Variants in ADAMTS17 observed in about 807,000 individuals in gnomAD.
ADAMTS17 encodes A disintegrin and metalloproteinase with thrombospondin motifs 17.
In ADAMTS17, 113 loss-of-function variants were observed where a neutral mutation model predicts 141.5. That is an observed-to-expected ratio of 0.80 (90% CI 0.69 to 0.93). The LOEUF (loss-of-function observed/expected upper bound fraction) is 0.93. Ranked by LOEUF, ADAMTS17 falls within the 40% of genes least tolerant of loss-of-function variation. The pLI is 0.00. For synonymous variants in ADAMTS17, 768 were observed against 630.6 expected, an observed-to-expected ratio of 1.22 and a Z score of -3.27; for missense variants, 1,659 against 1,517.9, an observed-to-expected ratio of 1.09 and a Z score of -1.54.
chr15:100,333,324 G>A (rs2046111517), intron 2 of ADAMTS17, among the ~76,000 whole-genome samples: 1 of 152,144 alleles, frequency 6.6e-6, no homozygotes, highest in Non-Finnish European at 1.5e-5. Flanking sequence ...GCAGTTACGT[G>A]CACAGACTGC....
At chr15:100,077,031 G>C (rs2034425892) in intron 15 of ADAMTS17, among the ~76,000 whole-genome samples, 1 of 151,876 alleles carries the variant, frequency 6.6e-6, no homozygotes. Context: ...TATCATATAT[G>C]AATATGCACA....
chr15:100,186,550 G>A (rs2040725061), intron 8 of ADAMTS17, among the ~76,000 whole-genome samples: 1 of 152,222 alleles, frequency 6.6e-6, no homozygotes, highest in Admixed American at 6.5e-5. Flanking sequence ...CCACAGCCAG[G>A]TCATGACTAC....
chr15:100,035,974 G>A (rs1238377335), intron 18 of ADAMTS17, among the ~76,000 whole-genome samples: 1 of 152,198 alleles, frequency 6.6e-6, no homozygotes, highest in East Asian at 1.9e-4. Flanking sequence ...TCCCTTGCAA[G>A]TGAGAAGCAC....
At chr15:100,174,169 C>T (rs981048354) in intron 8 of ADAMTS17, among the ~76,000 whole-genome samples, 1 of 152,240 alleles carries the variant, frequency 6.6e-6, no homozygotes, top group South Asian at 2.1e-4. Context: ...GACTTCTTAG[C>T]TAGGCAACAC....
At chr15:100,057,612 T>G (rs142469450) in intron 15 of ADAMTS17, among the ~76,000 whole-genome samples, 20 of 152,260 alleles carry the variant, frequency 1.3e-4, no homozygotes, top group African/African-American at 4.6e-4. Flanking sequence ...CTTTAAGCAA[T>G]GGTACCCAGG....
intron 3 of ADAMTS17, among the ~76,000 whole-genome samples, chr15:100,282,291 T>C (rs1202564293): frequency 3.3e-5 from 5 of 152,198 alleles, no homozygotes; most frequent in Non-Finnish European, 7.4e-5. Flanking sequence ...ACAGTCTACA[T>C]ATGCACCAAC....
Position 100,254,135 on chromosome 15 carries a change from C to A in ADAMTS17, c.1075+1G>T, listed in dbSNP as rs2141962944. 6 of 1,613,260 alleles carry A rather than the reference C, an allele frequency of 3.7e-6. No homozygotes were observed. Among genetic ancestry groups the A allele is most frequent in the Non-Finnish European group, 5.1e-6 (6 of 1,179,212 alleles). On this transcript the variant is annotated splice_donor_variant, in intron 7 of 21. Coordinates refer to ENST00000268070, the MANE Select transcript of ADAMTS17 (RefSeq NM_139057.4). LOFTEE classifies it high-confidence loss of function. ...GATTATTATTTCAACTCTAAACTTA[C>A]CAACAGTGTCACACGGTTCATCCTT... is the stretch of plus-strand genomic sequence containing the variant.
At chr15:100,106,187 GAC>G (rs2036404906) in intron 14 of ADAMTS17, among the ~76,000 whole-genome samples, 1 of 152,156 alleles carries the variant, frequency 6.6e-6, no homozygotes, top group Non-Finnish European at 1.5e-5. Flanking sequence ...GCCATGGGAG[GAC>G]ACAGAGTGGC....
intron 20 of ADAMTS17, among the ~76,000 whole-genome samples, chr15:99,990,334 C>A (rs1297416479): frequency 1.3e-5 from 2 of 152,154 alleles, no homozygotes; most frequent in Non-Finnish European, 2.9e-5. Context: ...CCACGCCCAG[C>A]CAAAGCACAC....
At chr15:100,090,797 G>C (rs1222529781) in intron 15 of ADAMTS17, among the ~76,000 whole-genome samples, 2 of 151,998 alleles carry the variant, frequency 1.3e-5, no homozygotes, top group African/African-American at 4.8e-5. Flanking sequence ...CATGAGGTCA[G>C]GAGTTCAAGA....
intron 3 of ADAMTS17, among the ~76,000 whole-genome samples, chr15:100,307,150 A>G (rs993428800): frequency 2.6e-5 from 4 of 152,236 alleles, no homozygotes; most frequent in Non-Finnish European, 5.9e-5. Flanking sequence ...TCTGAGGACC[A>G]CACCAAACCA....
chr15:100,316,665 C>A (rs1185655351), intron 3 of ADAMTS17, among the ~76,000 whole-genome samples: 1 of 152,248 alleles, frequency 6.6e-6, no homozygotes, highest in African/African-American at 2.4e-5. Context: ...GGAAGTTTTC[C>A]ATAGAGAGAT....
At chr15:100,160,153 T>A (rs889558627) in intron 8 of ADAMTS17, among the ~76,000 whole-genome samples, 1 of 152,182 alleles carries the variant, frequency 6.6e-6, no homozygotes, top group African/African-American at 2.4e-5. Flanking sequence ...TTGAGAAATA[T>A]TCAAGTCCCT....
rs1016586925 is a variant in ADAMTS17 at position 100,341,297 on chromosome 15, G to C, written c.192C>G (p.Arg64=). The change falls in exon 2 of 22, where the codon CGC becomes CGG. Residue 64 remains arginine (R), a synonymous_variant. Coordinates refer to ENST00000268070, the MANE Select transcript of ADAMTS17 (RefSeq NM_139057.4). Reference sequence around the variant, plus strand: ...GCGGGGCGGCTGGGGGCGTGCGGGGGCGTCGCCGCCGTCGGGGCCCGGGGG... The same window carrying C: ...GCGGGGCGGCTGGGGGCGTGCGGGGCCGTCGCCGCCGTCGGGGCCCGGGGG... ...PAAPGPRRRR[R]PRTPPAAPRA... 18 of 1,104,584 alleles carry C rather than the reference G, an allele frequency of 1.6e-5. No individual in the cohort carries two copies. Among genetic ancestry groups the C allele is most frequent in the African/African-American group, 3.4e-5 (2 of 59,640 alleles). 68.4% of individuals were successfully genotyped at this position (1,104,584 alleles called of 1,614,324 possible).
chr15:100,294,965 G>T (rs1206249794), intron 3 of ADAMTS17, among the ~76,000 whole-genome samples: 1 of 152,126 alleles, frequency 6.6e-6, no homozygotes, highest in African/African-American at 2.4e-5. Context: ...GCAACAACTG[G>T]GCTTTCTGTG....
At chr15:100,163,196 T>C (rs1356719722) in intron 8 of ADAMTS17, among the ~76,000 whole-genome samples, 1 of 151,970 alleles carries the variant, frequency 6.6e-6, no homozygotes, top group Non-Finnish European at 1.5e-5. Context: ...TCACATCAAG[T>C]AGGCTTTTAA....
intron 6 of ADAMTS17, among the ~76,000 whole-genome samples, chr15:100,255,686 A>G (rs772472754): frequency 6.7e-6 from 1 of 148,708 alleles, no homozygotes; most frequent in Non-Finnish European, 1.5e-5. Flanking sequence ...AGTTGTGAAC[A>G]GGACATATTT....
At chr15:100,340,890 G>T in intron 2 of ADAMTS17, 149 bp downstream of exon 2, 1 of 1,239,066 alleles carries the variant, frequency 8.1e-7, no homozygotes, top group Non-Finnish European at 1.1e-6. Context: ...CGGGGTGGGG[G>T]ATGGGGAGAG....
At chr15:100,174,351 ATT>A (rs1463608998) in intron 8 of ADAMTS17, among the ~76,000 whole-genome samples, 1 of 151,838 alleles carries the variant, frequency 6.6e-6, no homozygotes, top group East Asian at 1.9e-4. Flanking sequence ...GACAGGGAAT[ATT>A]CTAAGGAACA....
Sources: allele counts gnomAD v4.1 joint callset (sites outside exome capture counted in the v4.1 genomes callset), GRCh38; gene constraint gnomAD v4.1.1; transcripts MANE v1.5; gene names NCBI Gene and HGNC (gene_info 2026-07-23, HGNC 2026-07-21).